Variants in MYO18B observed in about 807,000 individuals in gnomAD.
MYO18B encodes the protein unconventional myosin-XVIIIb.
MYO18B carries 204 observed loss-of-function variants against 273.0 expected under a neutral mutation model. The observed-to-expected ratio is 0.75, with a 90% confidence interval of 0.67 to 0.84. MYO18B has a LOEUF of 0.84. MYO18B is among the 40% of genes least tolerant of loss of function. The probability of loss-of-function intolerance (pLI) is 0.00; values close to 1 mark genes in which losing one functional copy is unlikely to be tolerated. For missense variants in MYO18B, 3,212 were observed against 3,287.6 expected (o/e 0.98, Z 0.56); for synonymous variants, 1,330 against 1,305.7 (o/e 1.02, Z -0.40).
At chr22:26,032,618 TTCAAGCAA>T (rs1334605765), downstream of MYO18B, among the ~76,000 whole-genome samples, 11 of 145,748 alleles carry the variant, frequency 7.5e-5, no homozygotes. Flanking sequence ...GCCTCCCGGG[TTCAAGCAA>T]TTCTCTTGCC....
chr22:25,878,918 T>C (rs2091268603), intron 25 of MYO18B, among the ~76,000 whole-genome samples: 1 of 152,198 alleles, frequency 6.6e-6, no homozygotes, highest in Non-Finnish European at 1.5e-5. Context: ...TATATGAAAA[T>C]ACAAGAAGTT....
chr22:26,006,762 TGTG>T (rs1342423969), intron 42 of MYO18B, among the ~76,000 whole-genome samples: 9 of 152,178 alleles, frequency 5.9e-5, no homozygotes, highest in Admixed American at 1.3e-4. Context: ...TCAGGGGTAA[TGTG>T]GTGATGCACA....
intron 16 of MYO18B, 86 bp downstream of exon 16, chr22:25,833,083 G>A: frequency 1.6e-6 from 2 of 1,288,926 alleles, no homozygotes; most frequent in South Asian, 2.4e-5. Flanking sequence ...CAGTCTACTA[G>A]TTGTCAATGC....
At chr22:25,809,468 T>C (rs2088635207) in intron 12 of MYO18B, among the ~76,000 whole-genome samples, 1 of 152,186 alleles carries the variant, frequency 6.6e-6, no homozygotes, top group African/African-American at 2.4e-5. Flanking sequence ...TTATTTAGTT[T>C]ATTTGTCTCT....
chr22:25,772,524 A>G lies in MYO18B; in HGVS notation c.1869+14A>G, dbSNP rs1403271375. On this transcript the variant is annotated intron_variant, in intron 7 of 43. Coordinates refer to ENST00000335473, the MANE Select transcript of MYO18B (RefSeq NM_032608.7). ...TCTGCAGGGAAGGTGAGGTGGGACC[A>G]TTGTGGGCAGGGCTGAGGGGCTGAG... 6.8e-6 allele frequency: 11 copies of G among 1,611,436 alleles called. No homozygotes were observed. Among genetic ancestry groups the G allele is most frequent in the Non-Finnish European group, 9.3e-6 (11 of 1,178,848 alleles).
At position 26,027,567 on chromosome 22, in the gene MYO18B, A is replaced by G. The variant is rs749909712; in HGVS notation, c.7593A>G (p.Pro2531=). Residue 2531 remains proline, a synonymous_variant, in exon 43 of 44, where the codon CCA becomes CCG. Coordinates refer to ENST00000335473, the MANE Select transcript of MYO18B (RefSeq NM_032608.7). The surrounding 1 kb of genome is among the most constrained non-coding windows in gnomAD (Gnocchi z 4.1). ...GCATCAAAAGTCGACCAGGAATCCC[A>G]CGACTTGCGGGTGACGGTGGCGAGC... ...ADSIKSRPGI[P]RLAGDGGERT... is the part of the protein sequence containing the mutation. 3 of 1,613,968 alleles carry G rather than the reference A, an allele frequency of 1.9e-6. No individual in the cohort carries two copies. In the Admixed American group the frequency reaches 5.0e-5, roughly 27 times the overall value.
intron 13 of MYO18B, among the ~76,000 whole-genome samples, chr22:25,826,120 G>A (rs1178574770): frequency 2.0e-5 from 3 of 152,200 alleles, no homozygotes; most frequent in Admixed American, 6.5e-5. Flanking sequence ...TGGTGGTGAT[G>A]GTGGTAGTCA....
At chr22:25,892,779 G>A (rs1345186318) in intron 27 of MYO18B, 1 of 152,212 alleles carries the variant, frequency 6.6e-6, no homozygotes, top group Non-Finnish European at 1.5e-5. Flanking sequence ...ACCCAACAAG[G>A]TAGGGTACAC....
intron 26 of MYO18B, among the ~76,000 whole-genome samples, chr22:25,891,099 G>C (rs2091649647): frequency 6.6e-6 from 1 of 152,174 alleles, no homozygotes. Flanking sequence ...GGAGAGGATT[G>C]TGCAGAAGGT....
At chr22:25,925,354 G>A (rs527812074) in intron 34 of MYO18B, among the ~76,000 whole-genome samples, 138 of 152,080 alleles carry the variant, frequency 9.1e-4, no homozygotes, top group African/African-American at 1.2e-3. Flanking sequence ...ACACCCTTTC[G>A]AGTTCAGTGG....
At chr22:25,982,172 C>T (rs2093155816) in intron 39 of MYO18B, among the ~76,000 whole-genome samples, 1 of 152,236 alleles carries the variant, frequency 6.6e-6, no homozygotes, top group Non-Finnish European at 1.5e-5. Flanking sequence ...GCCGGCCCCT[C>T]TTCCAACACT....
chr22:25,999,845 A>G (rs1019627626), intron 40 of MYO18B, among the ~76,000 whole-genome samples: 9 of 152,038 alleles, frequency 5.9e-5, no homozygotes, highest in African/African-American at 2.2e-4. Flanking sequence ...TAGTAGAGAC[A>G]GGGTTTCACC....
chr22:25,885,210 G>C (rs73407512), intron 25 of MYO18B, among the ~76,000 whole-genome samples: 16,884 of 152,188 alleles, frequency 0.11, 1,577 homozygotes, highest in East Asian at 0.34. Context: ...ACCTTTAACT[G>C]AAACTGTGAA....
At position 25,941,234 on chromosome 22, in the gene MYO18B, C is replaced by G. The variant is rs138665647; in HGVS notation, c.5518-4903C>G. Among the ~76,000 whole-genome samples the G allele has an allele frequency of 2.3e-4, 35 of 152,264 alleles. No homozygotes were observed. The South Asian group carries it at 6.9e-3, about 30-fold the overall frequency. On this transcript the variant is annotated intron_variant, in intron 34 of 43. Coordinates refer to ENST00000335473, the MANE Select transcript of MYO18B (RefSeq NM_032608.7). ...GGGAGACAGATGGAAATTGCAGGAC[C>G]TTCATCTCACCCTAAACCTCTCCAC... is the stretch of plus-strand genomic sequence containing the variant.
At chr22:26,004,586 C>G in intron 41 of MYO18B, 132 bp from the exon 42 acceptor site, 1 of 1,095,660 alleles carries the variant, frequency 9.1e-7, no homozygotes, top group South Asian at 1.8e-5. Flanking sequence ...TCCTACCTCT[C>G]TGGGATGGCG....
chr22:25,876,169 T>TGTGTTCTCCTTCCCTGCAGATTCGACTG lies in MYO18B; in HGVS notation c.4085_4086insACTGGTGTTCTCCTTCCCTGCAGATTCG. The TGTGTTCTCCTTCCCTGCAGATTCGACTG allele has an allele frequency of 6.2e-7, 1 of 1,605,330 alleles. No homozygotes were observed. Among genetic ancestry groups the TGTGTTCTCCTTCCCTGCAGATTCGACTG allele is most frequent in the South Asian group, 1.1e-5 (1 of 89,326 alleles). Reference sequence around the variant, plus strand: ...CTGGGTTGGAAAGGACCCTCCAGTCTGTGTTCTCCTTCCCTGCAGATTCGC... The same window carrying TGTGTTCTCCTTCCCTGCAGATTCGACTG: ...CTGGGTTGGAAAGGACCCTCCAGTCTGTGTTCTCCTTCCCTGCAGATTCGACTGGTGTTCTCCTTCCCTGCAGATTCGC... On this transcript the variant is annotated intron_variant, in intron 23 of 43. Coordinates refer to ENST00000335473, the MANE Select transcript of MYO18B (RefSeq NM_032608.7).
Position 26,030,566 on chromosome 22 carries a change from C to G in MYO18B, c.*136C>G, listed in dbSNP as rs1936616525. ...GCCACCCTCAAGAGGCGAGATGAGC[C>G]CACAGAGGCATATCCTGCGGGGATG... On this transcript the variant is annotated 3_prime_UTR_variant, in exon 44 of 44. Coordinates refer to ENST00000335473, the MANE Select transcript of MYO18B (RefSeq NM_032608.7). 5.1e-6 allele frequency: 1 copy of G among 196,464 alleles called. No homozygotes were observed. Among genetic ancestry groups the G allele is most frequent in the African/African-American group, 2.3e-5 (1 of 43,296 alleles). 12.2% of individuals were successfully genotyped at this position (196,464 alleles called of 1,614,324 possible).
At chr22:25,766,143 C>T (rs929469195) in intron 3 of MYO18B, among the ~76,000 whole-genome samples, 1 of 151,994 alleles carries the variant, frequency 6.6e-6, no homozygotes, top group Non-Finnish European at 1.5e-5. Flanking sequence ...GGAAGGGCAT[C>T]TAATATGCCG....
chr22:26,035,466 A>G (rs1489770867), downstream of MYO18B, among the ~76,000 whole-genome samples: 1 of 152,222 alleles, frequency 6.6e-6, no homozygotes, highest in Non-Finnish European at 1.5e-5. Context: ...GTGGTGATGC[A>G]GAAGAGAAGG....
Sources: gnomAD v4.1 joint callset for allele counts (sites outside exome capture counted in the v4.1 genomes callset) on GRCh38, gnomAD v4.1.1 for gene constraint, Gnocchi (gnomAD v3.1) non-coding constraint, MANE v1.5 for transcripts, NCBI Gene and HGNC (gene_info 2026-07-23, HGNC 2026-07-21) for gene names.